The following PHF21B variants were observed in gnomAD, a reference collection of about 807,000 sequenced individuals.
The protein encoded by PHF21B is PHD finger protein 4.
Under a neutral mutation model 62.2 loss-of-function variants are expected in PHF21B, and 22 were observed. The observed-to-expected ratio is 0.35, with a 90% confidence interval of 0.25 to 0.51. The LOEUF is 0.51. Ranked by LOEUF, PHF21B falls within the 20% of genes least tolerant of loss-of-function variation. The pLI is 0.97. For synonymous variants in PHF21B, 341 were observed against 314.7 expected, an observed-to-expected ratio of 1.08 and a Z score of -0.88; for missense variants, 701 against 707.9, an observed-to-expected ratio of 0.99 and a Z score of 0.11.
At chr22:44,902,978 C>T (rs1010830918) in intron 5 of PHF21B, among the ~76,000 whole-genome samples, 6 of 152,212 alleles carry the variant, frequency 3.9e-5, no homozygotes, top group Non-Finnish European at 8.8e-5. Context: ...CTTCATTCTT[C>T]GTCCCTCAGT....
chr22:44,908,522 G>A (rs1287245578), intron 5 of PHF21B, among the ~76,000 whole-genome samples: 1 of 152,178 alleles, frequency 6.6e-6, no homozygotes, highest in African/African-American at 2.4e-5. Flanking sequence ...GCCATTTAGT[G>A]TGGCTCCAAG....
At chr22:45,005,037 T>C (rs999843716) in intron 2 of PHF21B, among the ~76,000 whole-genome samples, 3 of 152,230 alleles carry the variant, frequency 2.0e-5, no homozygotes, top group South Asian at 4.1e-4. Context: ...AGCTCACACA[T>C]GGCATCTAAA....
intron 6 of PHF21B, among the ~76,000 whole-genome samples, chr22:44,894,365 G>A (rs1310771327): frequency 3.9e-5 from 6 of 152,160 alleles, no homozygotes; most frequent in Admixed American, 2.6e-4. Flanking sequence ...GTTTACAGGC[G>A]CAGTTTTCCC....
chr22:44,891,552 T>A (rs942914234), intron 7 of PHF21B, among the ~76,000 whole-genome samples, 192 bp from the exon 8 acceptor site: 2 of 151,158 alleles, frequency 1.3e-5, no homozygotes, highest in Non-Finnish European at 3.0e-5. Flanking sequence ...TGGCTGAGGA[T>A]GGGGCGGGGC....
intron 2 of PHF21B, among the ~76,000 whole-genome samples, chr22:44,943,701 G>A (rs916710149): frequency 1.3e-5 from 2 of 152,134 alleles, no homozygotes; most frequent in African/African-American, 2.4e-5. Flanking sequence ...TTCAGTGGCC[G>A]GGCACATGAC....
At chr22:44,909,346 G>A (rs1243508010) in intron 5 of PHF21B, among the ~76,000 whole-genome samples, 1 of 152,214 alleles carries the variant, frequency 6.6e-6, no homozygotes, top group Non-Finnish European at 1.5e-5. Context: ...GAGGACAGAA[G>A]GGTCATCATG....
chr22:44,918,288 T>C (rs1422256859), intron 3 of PHF21B, among the ~76,000 whole-genome samples: 5 of 152,220 alleles, frequency 3.3e-5, no homozygotes, highest in Admixed American at 6.5e-5. Context: ...TGGTCGATCA[T>C]CTGGGGTTTG....
At chr22:44,943,095 C>T (rs1357252034) in intron 2 of PHF21B, among the ~76,000 whole-genome samples, 1 of 152,056 alleles carries the variant, frequency 6.6e-6, no homozygotes, top group African/African-American at 2.4e-5. Context: ...CCTCTGCCCC[C>T]CAAGCCAGCC....
chr22:44,923,870 G>A (rs1343091510), intron 2 of PHF21B, among the ~76,000 whole-genome samples: 1 of 151,888 alleles, frequency 6.6e-6, no homozygotes, highest in Non-Finnish European at 1.5e-5. Context: ...AATTAGCTGA[G>A]CATGGTAGCA....
At chr22:45,002,126 CTCTCAT>C (rs1299035345) in intron 2 of PHF21B, 1 of 152,174 alleles carries the variant, frequency 6.6e-6, no homozygotes, top group African/African-American at 2.4e-5. Context: ...CAAATCCTTC[CTCTCAT>C]TTTAGTAACA....
intron 5 of PHF21B, among the ~76,000 whole-genome samples, chr22:44,904,120 A>G (rs76508627): frequency 0.038 from 5,740 of 152,164 alleles, 310 homozygotes; most frequent in African/African-American, 0.12. Flanking sequence ...TTTTGAGCAT[A>G]TGTTTCTAAC....
chr22:44,992,074 G>A (rs530270006), intron 2 of PHF21B, among the ~76,000 whole-genome samples: 4 of 152,306 alleles, frequency 2.6e-5, no homozygotes, highest in Admixed American at 1.3e-4. Context: ...TGTAAGTGAC[G>A]GGGAGTGCAC....
chr22:44,946,602 G>C (rs1325962987), intron 2 of PHF21B, among the ~76,000 whole-genome samples: 1 of 152,058 alleles, frequency 6.6e-6, no homozygotes, highest in Non-Finnish European at 1.5e-5. Context: ...GTAGATGGAT[G>C]GACAGTGGTT....
chr22:44,975,905 G>A (rs893117159), intron 2 of PHF21B, among the ~76,000 whole-genome samples: 3 of 152,240 alleles, frequency 2.0e-5, no homozygotes, highest in African/African-American at 7.2e-5. Flanking sequence ...AGTGGCTCAC[G>A]CCTGTAATTC....
intron 2 of PHF21B, among the ~76,000 whole-genome samples, chr22:44,999,160 C>G (rs1161774695): frequency 6.6e-6 from 1 of 152,204 alleles, no homozygotes; most frequent in Non-Finnish European, 1.5e-5. Flanking sequence ...TTTCTCCCCA[C>G]ACTGGGACTG....
rs569665498 is a variant in PHF21B at position 44,957,944 on chromosome 22, C to T, written c.121-37454G>A. On this transcript the variant is annotated intron_variant, in intron 2 of 12. Transcript: ENST00000313237. ...TGAGATGGAGTTTCGCTCTTGTTGC[C>T]CAGGCTGGAGTGCAATGGCGCGATC... 1.1e-4 allele frequency among the ~76,000 whole-genome samples: 17 copies of T among 151,746 alleles called. No homozygotes were observed. In the East Asian group the frequency reaches 2.7e-3, roughly 24 times the overall value.
chr22:44,915,567 A>G (rs544971601), intron 4 of PHF21B, among the ~76,000 whole-genome samples: 42 of 152,346 alleles, frequency 2.8e-4, no homozygotes, highest in African/African-American at 8.9e-4. Flanking sequence ...CTGGAAGCAC[A>G]GGACTCCCGG....
At chr22:44,956,979 G>A (rs1170136332) in intron 2 of PHF21B, among the ~76,000 whole-genome samples, 2 of 152,184 alleles carry the variant, frequency 1.3e-5, no homozygotes, top group African/African-American at 2.4e-5. Context: ...CAGCCGTCAC[G>A]CCTCAGTCCT....
At chr22:44,973,351 TA>T (rs1360068510) in intron 2 of PHF21B, among the ~76,000 whole-genome samples, 4 of 152,192 alleles carry the variant, frequency 2.6e-5, no homozygotes, top group Non-Finnish European at 1.5e-5. Context: ...AGAAAAAAGT[TA>T]AGCAAACTGA....
Sources: allele counts gnomAD v4.1 joint callset (sites outside exome capture counted in the v4.1 genomes callset), GRCh38; gene constraint gnomAD v4.1.1; transcripts MANE v1.5; gene names NCBI Gene and HGNC (gene_info 2026-07-23, HGNC 2026-07-21).